PTPRM: variants seen among roughly 807,000 people sequenced by gnomAD.
PTPRM encodes receptor-type tyrosine-protein phosphatase mu.
Under a neutral mutation model 186.7 loss-of-function variants are expected in PTPRM, and 47 were observed. The ratio of observed to expected loss-of-function variants is 0.25; its 90% CI spans 0.20 to 0.32. The LOEUF (loss-of-function observed/expected upper bound fraction) is 0.32. Ranked by LOEUF, PTPRM falls within the 10% of genes least tolerant of loss-of-function variation. The pLI is 1.00. For synonymous variants in PTPRM, 668 were observed against 674.9 expected (o/e 0.99, Z 0.16); for missense variants, 1,494 against 1,865.0 (o/e 0.80, Z 3.66).
intron 7 of PTPRM, among the ~76,000 whole-genome samples, chr18:8,045,331 A>G (rs1324071507): frequency 6.6e-6 from 1 of 152,322 alleles, no homozygotes; most frequent in Middle Eastern, 3.4e-3. Context: ...CTGAGTGACA[A>G]TGTGAGACTG....
At chr18:8,248,028 G>T in intron 16 of PTPRM, 109 bp downstream of exon 16, 1 of 1,359,594 alleles carries the variant, frequency 7.4e-7, no homozygotes. Flanking sequence ...TGTTTGAGAT[G>T]TTGTAACCCA....
At chr18:8,298,142 C>T (rs1300186859) in intron 20 of PTPRM, among the ~76,000 whole-genome samples, 1 of 152,180 alleles carries the variant, frequency 6.6e-6, no homozygotes, top group African/African-American at 2.4e-5. Context: ...GTTCTAGAGG[C>T]TCAGAGAAGG....
intron 7 of PTPRM, among the ~76,000 whole-genome samples, chr18:8,035,899 G>C (rs1393644361): frequency 6.6e-6 from 1 of 152,130 alleles, no homozygotes; most frequent in Non-Finnish European, 1.5e-5. Flanking sequence ...AGGTGAATAA[G>C]GAAATAAGCT....
At chr18:8,135,224 C>G (rs1275284398) in intron 13 of PTPRM, among the ~76,000 whole-genome samples, 1 of 152,104 alleles carries the variant, frequency 6.6e-6, no homozygotes, top group African/African-American at 2.4e-5. Context: ...CCACGTTTGC[C>G]TCTTCATTGT....
chr18:8,064,374 A>G (rs1290495933), intron 7 of PTPRM, among the ~76,000 whole-genome samples: 1 of 115,518 alleles, frequency 8.7e-6, no homozygotes, highest in African/African-American at 3.0e-5. Flanking sequence ...ATTCTGTAAG[A>G]CTATTTTTTT....
intron 7 of PTPRM, among the ~76,000 whole-genome samples, chr18:7,996,144 A>G (rs2083520349): frequency 6.6e-6 from 1 of 151,786 alleles, no homozygotes. Context: ...GAAGTTATCC[A>G]TTTACTCTTT....
chr18:8,099,419 A>G (rs1188128130), intron 11 of PTPRM, among the ~76,000 whole-genome samples: 1 of 152,104 alleles, frequency 6.6e-6, no homozygotes, highest in Non-Finnish European at 1.5e-5. Context: ...GGCTTCCATG[A>G]GTATTTGTTT....
intron 7 of PTPRM, among the ~76,000 whole-genome samples, chr18:7,973,842 A>G (rs189500258): frequency 2.6e-5 from 4 of 152,042 alleles, no homozygotes; most frequent in Admixed American, 2.6e-4. Flanking sequence ...TAAATGACCC[A>G]TTGTTTCTTC....
chr18:7,704,987 C>A (rs530727349), intron 1 of PTPRM, among the ~76,000 whole-genome samples: 18 of 152,116 alleles, frequency 1.2e-4, no homozygotes, highest in African/African-American at 4.1e-4. Context: ...GTGATATATT[C>A]TGAGGAAATA....
intron 5 of PTPRM, among the ~76,000 whole-genome samples, chr18:7,928,783 G>A (rs937383657): frequency 6.6e-6 from 1 of 152,178 alleles, no homozygotes; most frequent in African/African-American, 2.4e-5. Context: ...TTGAGGACAT[G>A]ATTTGCTCTT....
intron 14 of PTPRM, among the ~76,000 whole-genome samples, chr18:8,200,588 G>T (rs1481253682): frequency 1.3e-5 from 2 of 152,240 alleles, no homozygotes; most frequent in South Asian, 2.1e-4. Context: ...TCTGGCCTGT[G>T]CCGTGACCCA....
intron 22 of PTPRM, among the ~76,000 whole-genome samples, chr18:8,337,578 T>C (rs2095447128): frequency 6.6e-6 from 1 of 152,198 alleles, no homozygotes; most frequent in African/African-American, 2.4e-5. Context: ...AAGTTAGGCA[T>C]GAGGCCACGT....
chr18:7,775,162 T>C (rs778703518), intron 2 of PTPRM, among the ~76,000 whole-genome samples: 7 of 152,272 alleles, frequency 4.6e-5, no homozygotes, highest in Admixed American at 2.6e-4. Context: ...AGTTTAATGT[T>C]GTCACTAAGG....
chr18:8,288,759 C>A (rs574746419), intron 19 of PTPRM, among the ~76,000 whole-genome samples: 1 of 152,112 alleles, frequency 6.6e-6, no homozygotes, highest in Non-Finnish European at 1.5e-5. Context: ...ACTTCATTAG[C>A]GGGAGCTGAC....
chr18:7,895,900 C>A (rs545297767), intron 3 of PTPRM, among the ~76,000 whole-genome samples: 1 of 152,230 alleles, frequency 6.6e-6, no homozygotes, highest in African/African-American at 2.4e-5. Context: ...TGAAAAGTTT[C>A]TTAGCAGAGT....
At chr18:8,197,327 C>T (rs2093793410) in intron 14 of PTPRM, among the ~76,000 whole-genome samples, 1 of 152,166 alleles carries the variant, frequency 6.6e-6, no homozygotes, top group Non-Finnish European at 1.5e-5. Flanking sequence ...AGCTAAGCAT[C>T]TATGAAGCAT....
intron 5 of PTPRM, among the ~76,000 whole-genome samples, chr18:7,947,218 A>G (rs1023069843): frequency 6.6e-6 from 1 of 152,150 alleles, no homozygotes; most frequent in African/African-American, 2.4e-5. Context: ...GCGGGGCTGC[A>G]TGGTGGAATT....
Position 7,935,373 on chromosome 18 carries a change from T to TTAGGATACGCCTAAACA in PTPRM, c.663+8694_663+8695insATACGCCTAAACATAGG, listed in dbSNP as rs567491548. ...ATCAGACTGAAGCTACTGAAAACCT[T>TTAGGATACGCCTAAACA]TAGGCGTATACCTTATGTTTTAACT... is the stretch of plus-strand genomic sequence containing the variant. On this transcript the variant is annotated intron_variant, in intron 5 of 32. Transcript: ENST00000580170. 6.0e-3 allele frequency among the ~76,000 whole-genome samples: 907 copies of TTAGGATACGCCTAAACA among 152,338 alleles called. 7 individuals carry two copies. The highest frequency in any genetic ancestry group is 0.02 in the African/African-American group (852 of 41,590).
At chr18:8,054,191 G>A (rs1355466041) in intron 7 of PTPRM, among the ~76,000 whole-genome samples, 15 of 150,694 alleles carry the variant, frequency 1.0e-4, no homozygotes, top group Non-Finnish European at 2.1e-4. Context: ...ATTATGGCAC[G>A]ATGTTGATTT....
Sources: allele counts gnomAD v4.1 joint callset (sites outside exome capture counted in the v4.1 genomes callset), GRCh38; gene constraint gnomAD v4.1.1; transcripts MANE v1.5; gene names NCBI Gene and HGNC (gene_info 2026-07-23, HGNC 2026-07-21).